Variants in PAXIP1 observed in about 807,000 individuals in gnomAD.
The protein encoded by PAXIP1 is PAX interacting protein 1, also known as PAX-interacting protein 1.
A neutral mutation model predicts 140.6 loss-of-function variants in PAXIP1; 19 were observed. The ratio of observed to expected loss-of-function variants is 0.14; its 90% CI spans 0.09 to 0.20. The LOEUF is 0.20. Among genes scored for constraint, PAXIP1 ranks in the 10% least tolerant of loss-of-function variants. The pLI, the probability that PAXIP1 is intolerant of heterozygous loss-of-function variation, is 1.00. For synonymous variants in PAXIP1, 442 were observed against 444.6 expected, an observed-to-expected ratio of 0.99 and a Z score of 0.07; for missense variants, 920 against 1,208.6, an observed-to-expected ratio of 0.76 and a Z score of 3.54.
rs190810374 is a variant in PAXIP1 at position 154,977,911 on chromosome 7, G to A, written c.439-1580C>T. On this transcript the variant is annotated intron_variant, in intron 5 of 20. Coordinates refer to ENST00000404141, the MANE Select transcript of PAXIP1 (RefSeq NM_007349.4). Reference sequence around the variant, plus strand: ...TTTTAACTTTTTAATGTACATTTTCGAACACAGACCAAACTTTTTAATGTA... The same window carrying A: ...TTTTAACTTTTTAATGTACATTTTCAAACACAGACCAAACTTTTTAATGTA... 8.0e-5 allele frequency among the ~76,000 whole-genome samples: 12 copies of A among 150,630 alleles called. No homozygotes were observed. In the South Asian group the frequency reaches 1.9e-3, roughly 24 times the overall value.
intron 1 of PAXIP1, 60 bp downstream of exon 1, chr7:155,002,789 G>A: frequency 2.1e-6 from 2 of 967,492 alleles, no homozygotes; most frequent in South Asian, 2.1e-5. Context: ...CGGGGACGGG[G>A]ACGGGGACGG....
At chr7:155,002,121 A>G (rs1810933392) in intron 1 of PAXIP1, 1 of 152,398 alleles carries the variant, frequency 6.6e-6, no homozygotes, top group South Asian at 2.1e-4. Context: ...GTGACATCAA[A>G]CAGATATATT....
chr7:154,970,521 T>C (rs1235171162), intron 6 of PAXIP1, among the ~76,000 whole-genome samples: 4 of 152,250 alleles, frequency 2.6e-5, no homozygotes, highest in African/African-American at 9.6e-5. Flanking sequence ...TGAGTGGAAC[T>C]CTAAGCAGAA....
At chr7:155,002,068 G>A (rs1177743014) in intron 1 of PAXIP1, 3 of 152,204 alleles carry the variant, frequency 2.0e-5, no homozygotes, top group Admixed American at 6.5e-5. Flanking sequence ...ACCTGAAGAG[G>A]ATATTCAACT....
intron 1 of PAXIP1, among the ~76,000 whole-genome samples, chr7:155,002,504 G>A (rs900959914): frequency 6.6e-6 from 1 of 151,948 alleles, no homozygotes; most frequent in Non-Finnish European, 1.5e-5. Context: ...GGAATGGGGA[G>A]ACGCGACCCC....
At chr7:154,962,664 G>A (rs1475919988) in intron 9 of PAXIP1, 3 of 433,950 alleles carry the variant, frequency 6.9e-6, no homozygotes, top group African/African-American at 2.0e-5. Context: ...CTATCCATCT[G>A]CAAACAAGAG....
chr7:154,974,845 T>G (rs1228744194), intron 6 of PAXIP1, among the ~76,000 whole-genome samples: 5 of 152,126 alleles, frequency 3.3e-5, no homozygotes, highest in Admixed American at 2.6e-4. Context: ...TAGAAATATA[T>G]GTACTTAAAA....
intron 2 of PAXIP1, 99 bp from the exon 3 acceptor site, chr7:154,993,868 C>T (rs1267880241): frequency 9.3e-6 from 8 of 856,236 alleles, no homozygotes; most frequent in Non-Finnish European, 1.5e-5. Flanking sequence ...TCTGTTACAA[C>T]CTATTTTAAA....
chr7:154,981,978 C>T (rs1486859431), intron 5 of PAXIP1, among the ~76,000 whole-genome samples: 1 of 152,084 alleles, frequency 6.6e-6, no homozygotes, highest in East Asian at 1.9e-4. Flanking sequence ...AATTCAAAAC[C>T]GCTTTGACAA....
Position 154,954,459 on chromosome 7 carries a change from T to A in PAXIP1, c.2653-36A>T, listed in dbSNP as rs377582692. On this transcript the variant is annotated intron_variant, in intron 15 of 20. Coordinates refer to ENST00000404141, the MANE Select transcript of PAXIP1 (RefSeq NM_007349.4). This position sits in a 1 kb window ranked among gnomAD's most constrained non-coding sequence, Gnocchi z 5.1. ...CAAACACAGGTCGGAAATGAAAAAGTTCAGCATCCACAGAGCCACACTGAC... is the reference window on the plus strand; with the variant it reads ...CAAACACAGGTCGGAAATGAAAAAGATCAGCATCCACAGAGCCACACTGAC... 7.0e-7 allele frequency: 1 copy of A among 1,418,950 alleles called. No individual in the cohort carries two copies. The highest frequency in any genetic ancestry group is 9.4e-7 in the Non-Finnish European group (1 of 1,061,910). The allele number at this position is 1,418,950 out of a possible 1,614,324, so 87.9% of individuals were successfully genotyped here. A position where few individuals can be genotyped will look rare whatever the true frequency, so the allele number is the denominator to read the frequency against.
Position 154,954,982 on chromosome 7 carries a change from C to T in PAXIP1, c.2652+547G>A, listed in dbSNP as rs578072224. Reference sequence around the variant, plus strand: ...AAAAGGAAACCAGGAGTAAAATGTACGAATCCACCATAATACAGGTCAACT... The same window carrying T: ...AAAAGGAAACCAGGAGTAAAATGTATGAATCCACCATAATACAGGTCAACT... On this transcript the variant is annotated intron_variant, in intron 15 of 20. Coordinates refer to ENST00000404141, the MANE Select transcript of PAXIP1 (RefSeq NM_007349.4). The surrounding 1 kb of genome is among the most constrained non-coding windows in gnomAD (Gnocchi z 5.1). Among the ~76,000 whole-genome samples, 8 of 152,272 alleles carry T rather than the reference C, an allele frequency of 5.3e-5. No individual in the cohort carries two copies. Among genetic ancestry groups the T allele is most frequent in the Middle Eastern group, 3.4e-3 (1 of 294 alleles).
In PAXIP1 at chr7:154,943,982, A is replaced by G. The variant is rs766936871; in HGVS notation, c.*167T>C. On this transcript the variant is annotated 3_prime_UTR_variant, in exon 21 of 21. Transcript: ENST00000404141. Reference sequence around the variant, plus strand: ...TCCTCAGAATAAAATTGCACATCTTAAAAAGATGCAGTATATTTATTATAT... The same window carrying G: ...TCCTCAGAATAAAATTGCACATCTTGAAAAGATGCAGTATATTTATTATAT... 16 of 682,238 alleles carry G rather than the reference A, an allele frequency of 2.3e-5. No individual in the cohort carries two copies. Among genetic ancestry groups the G allele is most frequent in the Non-Finnish European group, 4.1e-5 (15 of 365,440 alleles). The allele number at this position is 682,238 out of a possible 1,614,324, so 42.3% of individuals were successfully genotyped here. A position where few individuals can be genotyped will look rare whatever the true frequency, so the allele number is the denominator to read the frequency against.
chr7:154,984,917 T>C (rs1219753476), intron 4 of PAXIP1, among the ~76,000 whole-genome samples: 1 of 152,168 alleles, frequency 6.6e-6, no homozygotes, highest in East Asian at 1.9e-4. Context: ...GTCACAGGCG[T>C]AGACCTCAAC....
At chr7:154,992,275 G>A (rs1216963632) in intron 3 of PAXIP1, among the ~76,000 whole-genome samples, 13 of 152,150 alleles carry the variant, frequency 8.5e-5, no homozygotes, top group African/African-American at 2.9e-4. Context: ...GTGGCTGGGC[G>A]CGGTGGCTCA....
Position 154,961,052 on chromosome 7 carries a change from CT to C in PAXIP1, c.2274del (p.Ala759ProfsTer25). 1 of 1,582,158 alleles carries C rather than the reference CT, an allele frequency of 6.3e-7. No individual in the cohort carries two copies. The highest frequency in any genetic ancestry group is 8.6e-7 in the Non-Finnish European group (1 of 1,165,424). On this transcript the variant is annotated frameshift_variant, in exon 12 of 21. Coordinates refer to ENST00000404141, the MANE Select transcript of PAXIP1 (RefSeq NM_007349.4). LOFTEE classifies it high-confidence loss of function. ...CKEPTGLKYE[K>X]AKEWRIPCVN... The stretch of plus-strand genomic sequence containing the variant: ...ACACAGGGTATCCTCCACTCTTTGG[CT>C]TTTTCATACTTTAAACCAGTTGGTC...
At position 154,986,045 on chromosome 7, in the gene PAXIP1, T is replaced by C. The variant is rs1003391455; in HGVS notation, c.325-2713A>G. ...GCACATTACAACAGAGGCCTCAGCC[T>C]GCATCAATACCGGGTCAGAAGAAGG... On this transcript the variant is annotated intron_variant, in intron 4 of 20. Transcript: ENST00000404141. This position sits in a 1 kb window ranked among gnomAD's most constrained non-coding sequence, Gnocchi z 4.8. The C allele has an allele frequency of 2.2e-6, 3 of 1,365,612 alleles. No individual in the cohort carries two copies. The highest frequency in any genetic ancestry group is 2.9e-6 in the Non-Finnish European group (3 of 1,021,492). 84.6% of individuals were successfully genotyped at this position (1,365,612 alleles called of 1,614,324 possible).
At chr7:154,985,395 G>T (rs1245704437) in intron 4 of PAXIP1, among the ~76,000 whole-genome samples, 2 of 152,024 alleles carry the variant, frequency 1.3e-5, no homozygotes, top group Non-Finnish European at 2.9e-5. Context: ...TTCCTGTCTG[G>T]CTGCTCCTAA....
rs1204068793 is a variant in PAXIP1 at position 154,946,493 on chromosome 7, G to C, written c.3133+19C>G. 1.2e-6 allele frequency: 2 copies of C among 1,612,890 alleles called. No individual in the cohort carries two copies. Among genetic ancestry groups the C allele is most frequent in the East Asian group, 4.5e-5 (2 of 44,902 alleles). ...CTGTGCGTGCACACATACTCACACA[G>C]GTAAGCGGGGAAACGTACCTATGCC... On this transcript the variant is annotated intron_variant, in intron 19 of 20. Coordinates refer to ENST00000404141, the MANE Select transcript of PAXIP1 (RefSeq NM_007349.4). This position sits in a 1 kb window ranked among gnomAD's most constrained non-coding sequence, Gnocchi z 4.9.
At chr7:154,989,689 C>T (rs1192229395) in intron 4 of PAXIP1, among the ~76,000 whole-genome samples, 4 of 152,086 alleles carry the variant, frequency 2.6e-5, no homozygotes, top group Non-Finnish European at 5.9e-5. Context: ...AAATACAATA[C>T]AAAAATATTA....
Sources: allele counts gnomAD v4.1 joint callset (sites outside exome capture counted in the v4.1 genomes callset), GRCh38; gene constraint gnomAD v4.1.1; non-coding constraint Gnocchi (gnomAD v3.1); transcripts MANE v1.5; gene names NCBI Gene and HGNC (gene_info 2026-07-23, HGNC 2026-07-21).